The following DIS3L2 variants were observed in gnomAD, a reference collection of about 807,000 sequenced individuals.
The protein encoded by DIS3L2 is DIS3-like exonuclease 2.
Under a neutral mutation model 97.5 loss-of-function variants are expected in DIS3L2, and 34 were observed. The ratio of observed to expected loss-of-function variants is 0.35; its 90% CI spans 0.27 to 0.46. DIS3L2 has a LOEUF of 0.46. Ranked by LOEUF, DIS3L2 falls within the 20% of genes least tolerant of loss-of-function variation. DIS3L2 has a pLI of 1.00. For synonymous variants in DIS3L2, 435 were observed against 445.2 expected, an observed-to-expected ratio of 0.98 and a Z score of 0.29; for missense variants, 1,038 against 1,146.0, an observed-to-expected ratio of 0.91 and a Z score of 1.36.
At chr2:232,053,177 T>A (rs754457268) in intron 5 of DIS3L2, among the ~76,000 whole-genome samples, 1 of 152,222 alleles carries the variant, frequency 6.6e-6, no homozygotes, top group Non-Finnish European at 1.5e-5. Context: ...AGAAAATGAG[T>A]AAATTCTTGA....
At chr2:232,166,310 A>G (rs1478030582) in intron 9 of DIS3L2, among the ~76,000 whole-genome samples, 1 of 149,612 alleles carries the variant, frequency 6.7e-6, no homozygotes, top group Non-Finnish European at 1.5e-5. Flanking sequence ...GTTAAAATAT[A>G]TCTTAAATAC....
At chr2:232,323,602 G>A (rs1695496678) in intron 14 of DIS3L2, among the ~76,000 whole-genome samples, 1 of 152,186 alleles carries the variant, frequency 6.6e-6, no homozygotes. Flanking sequence ...GGCTCCAGAG[G>A]CCTTCTCCTC....
chr2:232,192,475 C>G (rs960647086), intron 9 of DIS3L2, among the ~76,000 whole-genome samples: 1 of 152,188 alleles, frequency 6.6e-6, no homozygotes, highest in Admixed American at 6.5e-5. Flanking sequence ...TCATACTTCC[C>G]CCTTCCTCAT....
intron 1 of DIS3L2, among the ~76,000 whole-genome samples, chr2:232,013,962 A>T (rs1199908282): frequency 6.6e-6 from 1 of 152,254 alleles, no homozygotes. Flanking sequence ...TGTGGGAAAT[A>T]TAGAGGAAAT....
chr2:232,312,661 G>C (rs1240412418), intron 14 of DIS3L2, among the ~76,000 whole-genome samples: 1 of 152,146 alleles, frequency 6.6e-6, no homozygotes, highest in African/African-American at 2.4e-5. Context: ...GATTTATATT[G>C]AGATTGCTTT....
chr2:231,981,598 TTATATATATA>T lies in DIS3L2; in HGVS notation c.-94+19863_-94+19872del, dbSNP rs10669283. 8.4e-3 allele frequency among the ~76,000 whole-genome samples: 709 copies of T among 84,056 alleles called. 9 individuals are homozygous for T. The highest frequency in any genetic ancestry group is 8.9e-3 in the African/African-American group (208 of 23,434). 55.1% of individuals were successfully genotyped at this position (84,056 alleles called of 152,430 possible). On this transcript the variant is annotated intron_variant, in intron 1 of 20. Coordinates refer to ENST00000325385, the MANE Select transcript of DIS3L2 (RefSeq NM_152383.5). The stretch of plus-strand genomic sequence containing the variant: ...CAGTAATGTTATACTGTTAAGTATT[TTATATATATA>T]TATATATATATATATATATATATAT...
intron 9 of DIS3L2, among the ~76,000 whole-genome samples, chr2:232,202,129 A>G (rs950600701): frequency 2.6e-5 from 4 of 152,096 alleles, no homozygotes; most frequent in African/African-American, 9.7e-5. Context: ...AAGAGGCGTG[A>G]TGGCTCACGC....
chr2:232,323,560 G>T (rs1225424592), intron 14 of DIS3L2, among the ~76,000 whole-genome samples: 1 of 152,210 alleles, frequency 6.6e-6, no homozygotes, highest in Non-Finnish European at 1.5e-5. Context: ...AGGAAACCTG[G>T]CTCTGGCCTC....
chr2:231,979,577 T>C (rs2106176089), intron 1 of DIS3L2, among the ~76,000 whole-genome samples: 1 of 151,950 alleles, frequency 6.6e-6, no homozygotes, highest in African/African-American at 2.4e-5. Flanking sequence ...GAGTCAGGTA[T>C]TTATTTATTT....
chr2:232,090,726 A>T (rs1008417669), intron 6 of DIS3L2, among the ~76,000 whole-genome samples: 2 of 152,130 alleles, frequency 1.3e-5, no homozygotes, highest in Admixed American at 1.3e-4. Context: ...TGGATTATTA[A>T]TCCTGGTTCA....
chr2:232,330,550 A>C, intron 15 of DIS3L2, 140 bp from the exon 16 acceptor site: 5 of 818,220 alleles, frequency 6.1e-6, no homozygotes, highest in East Asian at 5.1e-5. Context: ...CTCCCCACCC[A>C]TCCCCTCTGA....
intron 5 of DIS3L2, among the ~76,000 whole-genome samples, chr2:232,054,163 A>G (rs1156828207): frequency 1.3e-5 from 2 of 152,246 alleles, no homozygotes; most frequent in African/African-American, 4.8e-5. Context: ...TAATTATATC[A>G]TAATATGACA....
At chr2:232,219,161 A>G (rs893868136) in intron 10 of DIS3L2, among the ~76,000 whole-genome samples, 4 of 152,222 alleles carry the variant, frequency 2.6e-5, no homozygotes. Context: ...AGCAGAATGC[A>G]TTGTTTCTGT....
chr2:232,130,213 A>T (rs1436589325), intron 6 of DIS3L2, among the ~76,000 whole-genome samples: 1 of 152,144 alleles, frequency 6.6e-6, no homozygotes, highest in Non-Finnish European at 1.5e-5. Context: ...AAAAGTTAAC[A>T]TTTATTATGA....
intron 8 of DIS3L2, among the ~76,000 whole-genome samples, chr2:232,140,734 C>T (rs1451961300): frequency 6.6e-6 from 1 of 152,176 alleles, no homozygotes; most frequent in Non-Finnish European, 1.5e-5. Flanking sequence ...CTCTGACACC[C>T]TAGTGCTGCC....
chr2:232,091,773 A>G (rs1696844289), intron 6 of DIS3L2, among the ~76,000 whole-genome samples: 1 of 152,198 alleles, frequency 6.6e-6, no homozygotes, highest in African/African-American at 2.4e-5. Context: ...CCAACAGTGT[A>G]TGAGGGTTCC....
chr2:232,225,254 T>G (rs1011279184), intron 10 of DIS3L2, among the ~76,000 whole-genome samples: 8 of 152,220 alleles, frequency 5.3e-5, no homozygotes, highest in African/African-American at 1.7e-4. Context: ...ATATACCCCA[T>G]AGAAAGGTGT....
At chr2:232,279,529 T>C (rs1694228913) in intron 13 of DIS3L2, among the ~76,000 whole-genome samples, 1 of 151,842 alleles carries the variant, frequency 6.6e-6, no homozygotes, top group Non-Finnish European at 1.5e-5. Context: ...TTTGTTTGTT[T>C]GTTTGTTTGT....
chr2:232,324,041 G>T (rs993483859), intron 14 of DIS3L2, among the ~76,000 whole-genome samples: 2 of 152,148 alleles, frequency 1.3e-5, no homozygotes, highest in South Asian at 4.2e-4. Flanking sequence ...AGGGCTCTGC[G>T]GTTTCCACCA....
Sources: allele counts gnomAD v4.1 joint callset (sites outside exome capture counted in the v4.1 genomes callset), GRCh38; gene constraint gnomAD v4.1.1; transcripts MANE v1.5; gene names NCBI Gene and HGNC (gene_info 2026-07-23, HGNC 2026-07-21).